ADAMTS2: variants seen among roughly 807,000 people sequenced by gnomAD.
The protein encoded by ADAMTS2 is ADAM metallopeptidase with thrombospondin type 1 motif 2, also known as A disintegrin and metalloproteinase with thrombospondin motifs 2.
In ADAMTS2, 50 loss-of-function variants were observed where a neutral mutation model predicts 123.0. The observed-to-expected ratio is 0.41, with a 90% CI of 0.32 to 0.51. The LOEUF is 0.51. ADAMTS2 is among the 20% of genes least tolerant of loss of function. The pLI is 0.35. For missense variants in ADAMTS2, 1,494 were observed against 1,705.2 expected (o/e 0.88, Z 2.18); for synonymous variants, 678 against 695.4 (o/e 0.98, Z 0.39).
chr5:179,137,972 C>T (rs1379268677), intron 11 of ADAMTS2, 28 bp from the exon 12 acceptor site: 2 of 1,539,636 alleles, frequency 1.3e-6, no homozygotes, highest in Non-Finnish European at 1.7e-6. Flanking sequence ...GGCCTTGCCG[C>T]TCCGTGCCAT....
At chr5:179,210,722 G>T (rs892841456) in intron 3 of ADAMTS2, among the ~76,000 whole-genome samples, 1 of 152,232 alleles carries the variant, frequency 6.6e-6, no homozygotes, top group Non-Finnish European at 1.5e-5. Flanking sequence ...GATCTGCAAT[G>T]CCCTCAGACC....
chr5:179,207,005 G>A (rs781580354), intron 4 of ADAMTS2, among the ~76,000 whole-genome samples: 2 of 152,128 alleles, frequency 1.3e-5, no homozygotes, highest in African/African-American at 4.8e-5. Flanking sequence ...TCTGGCCCTC[G>A]CTCTAATGCA....
chr5:179,342,600 G>GCCC (rs1757807535), intron 2 of ADAMTS2, among the ~76,000 whole-genome samples: 2 of 152,374 alleles, frequency 1.3e-5, no homozygotes, highest in South Asian at 4.1e-4. Flanking sequence ...CCGAGTACGG[G>GCCC]CGTGCTCAGG....
In ADAMTS2 at chr5:179,343,871, C is replaced by A. The variant is rs1413599076; in HGVS notation, c.430G>T (p.Gly144Cys). The A allele has an allele frequency of 6.3e-7, 1 of 1,594,836 alleles. No homozygotes were observed. The highest frequency in any genetic ancestry group is 1.8e-5 in the Admixed American group (1 of 55,634). The change falls in exon 2 of 22, where the codon GGC (glycine) becomes TGC (cysteine). Residue 144 changes from glycine (G) to cysteine (C), a missense_variant. Physicochemically the swap from Gly to Cys is radical, Grantham distance 159. Coordinates refer to ENST00000251582, the MANE Select transcript of ADAMTS2 (RefSeq NM_014244.5). Reference sequence around the variant, plus strand: ...AGCAGGGGCTCCACGCGGGTGGTGCCCTTCTCGCCCTGCCACTCCATAGTG... The same window carrying A: ...AGCAGGGGCTCCACGCGGGTGGTGCACTTCTCGCCCTGCCACTCCATAGTG... Reference protein sequence around the residue: ...GATMEWQGEKGTTRVEPLLGS... With the variant: ...GATMEWQGEKCTTRVEPLLGS...
chr5:179,194,373 C>T (rs902418512), intron 4 of ADAMTS2, among the ~76,000 whole-genome samples: 3 of 152,204 alleles, frequency 2.0e-5, no homozygotes, highest in Non-Finnish European at 4.4e-5. Context: ...CACGACATCC[C>T]CAGCACCTAG....
intron 3 of ADAMTS2, among the ~76,000 whole-genome samples, chr5:179,220,837 G>A (rs566222597): frequency 1.6e-3 from 248 of 152,314 alleles, no homozygotes; most frequent in Non-Finnish European, 2.4e-3. Flanking sequence ...CAGGGTGGGC[G>A]TGGGCCCTGC....
At chr5:179,305,366 G>T (rs537668374) in intron 2 of ADAMTS2, among the ~76,000 whole-genome samples, 2 of 152,132 alleles carry the variant, frequency 1.3e-5, no homozygotes, top group South Asian at 4.1e-4. Flanking sequence ...ATGTATGTAG[G>T]TGTATAAAAG....
At chr5:179,297,903 C>T (rs989444480) in intron 2 of ADAMTS2, among the ~76,000 whole-genome samples, 1 of 152,176 alleles carries the variant, frequency 6.6e-6, no homozygotes, top group Non-Finnish European at 1.5e-5. Context: ...TCCCCTCCAG[C>T]CACAGGACCT....
intron 10 of ADAMTS2, among the ~76,000 whole-genome samples, chr5:179,142,776 TA>T (rs1763193249): frequency 6.6e-6 from 1 of 152,116 alleles, no homozygotes; most frequent in Non-Finnish European, 1.5e-5. Flanking sequence ...GCAGGGGACA[TA>T]AGCTTCATTG....
intron 3 of ADAMTS2, among the ~76,000 whole-genome samples, chr5:179,233,132 T>C (rs1048338150): frequency 6.6e-6 from 1 of 152,224 alleles, no homozygotes; most frequent in African/African-American, 2.4e-5. Context: ...TCAGCAAATA[T>C]ATCAAGAAAA....
intron 3 of ADAMTS2, among the ~76,000 whole-genome samples, chr5:179,213,695 G>A (rs1764912559): frequency 6.6e-6 from 1 of 152,216 alleles, no homozygotes; most frequent in South Asian, 2.1e-4. Context: ...ACTTGCATAT[G>A]GCATAACCAA....
intron 2 of ADAMTS2, among the ~76,000 whole-genome samples, chr5:179,333,876 G>A (rs1373995794): frequency 1.3e-5 from 2 of 152,134 alleles, no homozygotes; most frequent in Non-Finnish European, 1.5e-5. Context: ...ACACAGGCGT[G>A]AGCCACTGTG....
chr5:179,321,487 AC>A (rs1180672895), intron 2 of ADAMTS2, among the ~76,000 whole-genome samples: 6 of 150,728 alleles, frequency 4.0e-5, no homozygotes, highest in East Asian at 1.9e-4. Flanking sequence ...AATTCCCTGA[AC>A]CCCCTCCTCT....
rs752181159 is a variant in ADAMTS2, at chr5:179,158,027, C to A, written c.1132+696G>T. Reference sequence around the variant, plus strand: ...TCTCCCAGGCTGGAGCAAAGTGGTGCGATCTCGACTCATTGCAAACTCCGC... The same window carrying A: ...TCTCCCAGGCTGGAGCAAAGTGGTGAGATCTCGACTCATTGCAAACTCCGC... On this transcript the variant is annotated intron_variant, in intron 6 of 21. Transcript: ENST00000251582. The surrounding 1 kb of genome is among the most constrained non-coding windows in gnomAD (Gnocchi z 5.0). Among the ~76,000 whole-genome samples, 6 of 151,682 alleles carry A rather than the reference C, an allele frequency of 4.0e-5. No homozygotes were observed. Among genetic ancestry groups the A allele is most frequent in the African/African-American group, 1.5e-4 (6 of 41,276 alleles).
rs114538116 is a variant in ADAMTS2, at chr5:179,117,999, C to T, written c.3178+3662G>A. On this transcript the variant is annotated intron_variant, in intron 21 of 21. Coordinates refer to ENST00000251582, the MANE Select transcript of ADAMTS2 (RefSeq NM_014244.5). This position sits in a 1 kb window ranked among gnomAD's most constrained non-coding sequence, Gnocchi z 4.2. The stretch of plus-strand genomic sequence containing the variant: ...TGCACGCCTAGGTCAGAGCCATGCA[C>T]GAGAAAGTGCTCCATAAATGCCCAT... 2.6e-5 allele frequency among the ~76,000 whole-genome samples: 4 copies of T among 152,152 alleles called. No homozygotes were observed. Among genetic ancestry groups the T allele is most frequent in the Non-Finnish European group, 5.9e-5 (4 of 68,038 alleles).
intron 18 of ADAMTS2, 47 bp downstream of exon 18, chr5:179,125,951 C>A (rs766405379): frequency 1.2e-6 from 2 of 1,611,638 alleles, no homozygotes; most frequent in East Asian, 4.5e-5. Context: ...CCCCTGGTGG[C>A]CCCTGGCCTG....
chr5:179,261,749 A>C (rs1440381436), intron 3 of ADAMTS2, among the ~76,000 whole-genome samples: 2 of 152,188 alleles, frequency 1.3e-5, no homozygotes. Context: ...CCTGCCCTGC[A>C]CACTCCTAAG....
At chr5:179,275,807 A>G (rs1005929634) in intron 2 of ADAMTS2, among the ~76,000 whole-genome samples, 1 of 152,218 alleles carries the variant, frequency 6.6e-6, no homozygotes, top group Non-Finnish European at 1.5e-5. Flanking sequence ...GAGAGAACGA[A>G]TTCCTGCTGT....
intron 21 of ADAMTS2, chr5:179,120,319 G>A (rs1351709130): frequency 1.3e-5 from 2 of 152,148 alleles, no homozygotes; most frequent in Admixed American, 1.3e-4. Flanking sequence ...CAACGACAAT[G>A]GAACCTATAG....
Sources: gnomAD v4.1 joint callset for allele counts (sites outside exome capture counted in the v4.1 genomes callset) on GRCh38, gnomAD v4.1.1 for gene constraint, Gnocchi (gnomAD v3.1) non-coding constraint, MANE v1.5 for transcripts, NCBI Gene and HGNC (gene_info 2026-07-23, HGNC 2026-07-21) for gene names.